Variants in CACNA1C observed in about 807,000 individuals in gnomAD.
CACNA1C encodes voltage-dependent L-type calcium channel subunit alpha-1C.
A neutral mutation model predicts 229.0 loss-of-function variants in CACNA1C; 30 were observed. That is an observed-to-expected ratio of 0.13 (90% CI 0.10 to 0.18). The LOEUF is 0.18. CACNA1C is among the 10% of genes least tolerant of loss of function. The pLI, the probability that CACNA1C is intolerant of heterozygous loss-of-function variation, is 1.00. For missense variants in CACNA1C, 1,658 were observed against 2,845.0 expected, an observed-to-expected ratio of 0.58 and a Z score of 9.49; for synonymous variants, 1,114 against 1,132.5, an observed-to-expected ratio of 0.98 and a Z score of 0.33.
At chr12:2,052,813 C>A (rs1028132673), upstream of CACNA1C, among the ~76,000 whole-genome samples, 4 of 145,620 alleles carry the variant, frequency 2.7e-5, no homozygotes, top group African/African-American at 9.8e-5. Flanking sequence ...CGCCGCCGTG[C>A]GCCCCGCGCC....
In CACNA1C at chr12:2,488,753, G is replaced by A. The variant is rs903606286; in HGVS notation, c.916+2491G>A. On this transcript the variant is annotated intron_variant, in intron 6 of 46. Coordinates refer to ENST00000399655, the MANE Select transcript of CACNA1C (RefSeq NM_000719.7). The surrounding 1 kb of genome is among the most constrained non-coding windows in gnomAD (Gnocchi z 4.0). ...CATGAGAAGGTGGCCTCACTCATTC[G>A]CTGGAGTCAGAGTCCCTGCTGGGAA... Among the ~76,000 whole-genome samples the A allele has an allele frequency of 6.6e-6, 1 of 152,184 alleles. No homozygotes were observed. The highest frequency in any genetic ancestry group is 2.1e-4 in the South Asian group (1 of 4,830).
intron 30 of CACNA1C, among the ~76,000 whole-genome samples, chr12:2,643,295 C>G (rs1189932850): frequency 6.6e-6 from 1 of 152,210 alleles, no homozygotes. Context: ...TGGTCCCTGT[C>G]CATCTTTAGC....
In CACNA1C at chr12:2,275,187, T is replaced by G. The variant is rs1016514462; in HGVS notation, c.477+154757T>G. 3.9e-5 allele frequency among the ~76,000 whole-genome samples: 6 copies of G among 152,232 alleles called. No homozygotes were observed. Among genetic ancestry groups the G allele is most frequent in the African/African-American group, 1.4e-4 (6 of 41,460 alleles). ...ATTAGTTGTGGCAGTGTGTTTGGTGTGTAATCATTGTCCTGCTAGCTAGCA... is the reference window on the plus strand; with the variant it reads ...ATTAGTTGTGGCAGTGTGTTTGGTGGGTAATCATTGTCCTGCTAGCTAGCA... On this transcript the variant is annotated intron_variant, in intron 3 of 46. Transcript: ENST00000399655. This position sits in a 1 kb window ranked among gnomAD's most constrained non-coding sequence, Gnocchi z 4.1.
At chr12:2,123,620 C>A (rs549340651) in intron 3 of CACNA1C, among the ~76,000 whole-genome samples, 2 of 152,242 alleles carry the variant, frequency 1.3e-5, no homozygotes, top group East Asian at 3.9e-4. Context: ...CGAAACATAG[C>A]CCAGGTGAAT....
At chr12:2,362,524 A>G (rs1206117502) in intron 3 of CACNA1C, among the ~76,000 whole-genome samples, 1 of 152,138 alleles carries the variant, frequency 6.6e-6, no homozygotes, top group East Asian at 1.9e-4. Context: ...GCTTATTTCA[A>G]GACCACACAG....
chr12:2,261,306 A>C (rs180977866), intron 3 of CACNA1C, among the ~76,000 whole-genome samples: 1 of 152,294 alleles, frequency 6.6e-6, no homozygotes, highest in East Asian at 1.9e-4. Flanking sequence ...CTGAAAAATA[A>C]TTTTTTTGTA....
At chr12:2,261,149 G>A (rs1041493019) in intron 3 of CACNA1C, among the ~76,000 whole-genome samples, 3 of 151,828 alleles carry the variant, frequency 2.0e-5, no homozygotes, top group Admixed American at 6.6e-5. Flanking sequence ...GGAGAATGGC[G>A]TGAACCTGGG....
At chr12:2,039,938 A>G (rs2049799650) in intron 1 of CACNA1C, among the ~76,000 whole-genome samples, 2 of 152,134 alleles carry the variant, frequency 1.3e-5, no homozygotes, top group South Asian at 4.1e-4. Context: ...GGATGGGGGT[A>G]GGATTTATGC....
chr12:2,661,325 T>A (rs1267314932), intron 34 of CACNA1C, among the ~76,000 whole-genome samples: 1 of 141,576 alleles, frequency 7.1e-6, no homozygotes, highest in Non-Finnish European at 1.6e-5. Flanking sequence ...AAGATTTTTC[T>A]AAGAGTAGCA....
At chr12:2,563,172 G>A (rs2048399354) in intron 11 of CACNA1C, among the ~76,000 whole-genome samples, 1 of 152,076 alleles carries the variant, frequency 6.6e-6, no homozygotes, top group African/African-American at 2.4e-5. Flanking sequence ...TAATATAATG[G>A]CCTCCAGTTC....
chr12:2,344,364 A>G (rs1459509858), intron 3 of CACNA1C, among the ~76,000 whole-genome samples: 2 of 152,002 alleles, frequency 1.3e-5, no homozygotes, highest in African/African-American at 2.4e-5. Flanking sequence ...CTGCATTTTC[A>G]CAGTATCTTT....
chr12:2,074,387 G>A (rs980203690), intron 1 of CACNA1C, among the ~76,000 whole-genome samples: 5 of 152,128 alleles, frequency 3.3e-5, no homozygotes, highest in African/African-American at 1.2e-4. Flanking sequence ...TCATTGCATT[G>A]TTTACTTGAC....
At chr12:2,658,240 C>G (rs2095523079) in intron 34 of CACNA1C, among the ~76,000 whole-genome samples, 1 of 152,194 alleles carries the variant, frequency 6.6e-6, no homozygotes. Flanking sequence ...ACTGCCCCTA[C>G]TTTGATATAG....
intron 18 of CACNA1C, among the ~76,000 whole-genome samples, chr12:2,590,253 G>A (rs1406675871): frequency 6.6e-6 from 1 of 152,156 alleles, no homozygotes; most frequent in Admixed American, 6.5e-5. Context: ...CCAAGGGTGG[G>A]GCTTTGAGTG....
chr12:2,060,978 G>A (rs1458622503), intron 1 of CACNA1C, among the ~76,000 whole-genome samples: 3 of 152,108 alleles, frequency 2.0e-5, no homozygotes, highest in South Asian at 4.1e-4. Flanking sequence ...AATAATCTAC[G>A]TTGGGCTAAA....
chr12:2,446,811 G>A (rs1449216429), intron 3 of CACNA1C, among the ~76,000 whole-genome samples: 29 of 151,360 alleles, frequency 1.9e-4, no homozygotes, highest in Admixed American at 1.9e-3. Context: ...TGAAAAGATG[G>A]ATGAATAGAT....
chr12:2,021,837 T>A (rs2046514185), intron 1 of CACNA1C, among the ~76,000 whole-genome samples: 1 of 152,206 alleles, frequency 6.6e-6, no homozygotes, highest in Non-Finnish European at 1.5e-5. Flanking sequence ...AATCCACTCA[T>A]GAGAGTAAAG....
At chr12:2,031,209 C>T (rs981158307) in intron 1 of CACNA1C, among the ~76,000 whole-genome samples, 54 of 152,166 alleles carry the variant, frequency 3.5e-4, no homozygotes, top group African/African-American at 6.0e-4. Context: ...CCTCCTCATC[C>T]GAATTGGAGG....
chr12:2,632,298 G>GA lies in CACNA1C; in HGVS notation c.3829-1999_3829-1998insA, dbSNP rs869214596. 7.7e-4 allele frequency among the ~76,000 whole-genome samples: 2 copies of GA among 2,584 alleles called. No individual in the cohort carries two copies. Among genetic ancestry groups the GA allele is most frequent in the African/African-American group, 2.7e-3 (2 of 730 alleles). The allele number at this position is 2,584 out of a possible 152,430, so 1.7% of individuals were successfully genotyped here. On this transcript the variant is annotated intron_variant, in intron 29 of 46. Coordinates refer to ENST00000399655, the MANE Select transcript of CACNA1C (RefSeq NM_000719.7). This position sits in a 1 kb window ranked among gnomAD's most constrained non-coding sequence, Gnocchi z 4.1. ...TGACCGCCTGTAGCTGGGGGTGTAT[G>GA]GGGACTATGACCGCCTGTAGCTGGG...
Sources: allele counts gnomAD v4.1 joint callset (sites outside exome capture counted in the v4.1 genomes callset), GRCh38; gene constraint gnomAD v4.1.1; non-coding constraint Gnocchi (gnomAD v3.1); transcripts MANE v1.5; gene names NCBI Gene and HGNC (gene_info 2026-07-23, HGNC 2026-07-21).